PDE11A: variants seen among roughly 807,000 people sequenced by gnomAD.
PDE11A encodes the protein dual 3',5'-cyclic-AMP and -GMP phosphodiesterase 11A.
Under a neutral mutation model 100.5 loss-of-function variants are expected in PDE11A, and 100 were observed. The observed-to-expected ratio is 1.00, with a 90% confidence interval of 0.85 to 1.18. The LOEUF is 1.18. Ranked by LOEUF, PDE11A falls within the 50% of genes most tolerant of loss-of-function variation. The pLI, the probability that PDE11A is intolerant of heterozygous loss-of-function variation, is 0.00. For missense variants in PDE11A, 1,141 were observed against 1,152.6 expected (o/e 0.99, Z 0.15); for synonymous variants, 381 against 420.8 (o/e 0.91, Z 1.16).
rs543004894 is a variant in PDE11A, at chr2:178,096,354, T to C, written c.162+7948A>G. On this transcript the variant is annotated intron_variant, in intron 2 of 20. Transcript: ENST00000358450. ...AATTTTTTTTTTTTTTTTGTATTTT[T>C]ACTAGAGGCAGGGTTTCACTGTGTT... Among the ~76,000 whole-genome samples, 124 of 150,382 alleles carry C rather than the reference T, an allele frequency of 8.2e-4. 1 individual carries two copies. The highest frequency in any genetic ancestry group is 3.0e-3 in the African/African-American group (121 of 40,962).
intron 12 of PDE11A, among the ~76,000 whole-genome samples, chr2:177,720,155 G>A: frequency 6.6e-6 from 1 of 152,058 alleles, no homozygotes; most frequent in African/African-American, 2.4e-5. Flanking sequence ...GCTTTGTGAT[G>A]GAATGGCAAC....
At chr2:177,759,220 C>T (rs773918486) in intron 10 of PDE11A, among the ~76,000 whole-genome samples, 49 of 151,930 alleles carry the variant, frequency 3.2e-4, no homozygotes, top group Non-Finnish European at 5.6e-4. Context: ...CAAATGGAAA[C>T]AGTATCAGGA....
At chr2:177,962,599 A>T (rs942537101) in intron 2 of PDE11A, among the ~76,000 whole-genome samples, 2 of 152,140 alleles carry the variant, frequency 1.3e-5, no homozygotes, top group Non-Finnish European at 2.9e-5. Context: ...TAGTTAACTG[A>T]TGTGCCTTGC....
chr2:177,905,271 A>G (rs1196433469), intron 2 of PDE11A, 84 bp from the exon 3 acceptor site: 9 of 730,470 alleles, frequency 1.2e-5, no homozygotes, highest in Non-Finnish European at 2.2e-5. Flanking sequence ...CTTCTTCTAT[A>G]TGCCTGATTG....
At chr2:177,921,846 A>G (rs2085053579) in intron 2 of PDE11A, 1 of 152,212 alleles carries the variant, frequency 6.6e-6, no homozygotes, top group Non-Finnish European at 1.5e-5. Flanking sequence ...GGGATTGGGA[A>G]CCATAAAAAT....
intron 5 of PDE11A, among the ~76,000 whole-genome samples, chr2:177,869,377 C>A (rs545836354): frequency 6.6e-6 from 1 of 152,300 alleles, no homozygotes; most frequent in African/African-American, 2.4e-5. Flanking sequence ...CAACTCCTTG[C>A]AGTTGTATGA....
At chr2:178,080,876 G>A (rs577281051) in intron 2 of PDE11A, among the ~76,000 whole-genome samples, 82 of 151,872 alleles carry the variant, frequency 5.4e-4, no homozygotes, top group African/African-American at 2.0e-3. Flanking sequence ...CATGATAAAT[G>A]ACAGACTAGA....
At chr2:177,813,661 T>C (rs1369375861) in intron 9 of PDE11A, among the ~76,000 whole-genome samples, 1 of 152,016 alleles carries the variant, frequency 6.6e-6, no homozygotes, top group Non-Finnish European at 1.5e-5. Flanking sequence ...AAGAGAACAG[T>C]GTGGTGCTGT....
intron 10 of PDE11A, among the ~76,000 whole-genome samples, chr2:177,744,390 T>C (rs993759291): frequency 4.0e-5 from 6 of 151,746 alleles, no homozygotes; most frequent in Non-Finnish European, 7.4e-5. Flanking sequence ...GAATCTAAAG[T>C]ATGTTCAGAC....
chr2:177,677,243 C>A (rs766065554), intron 16 of PDE11A, among the ~76,000 whole-genome samples: 1 of 152,138 alleles, frequency 6.6e-6, no homozygotes, highest in Non-Finnish European at 1.5e-5. Context: ...GGGAAGTCTC[C>A]ACAGGGTGAC....
At chr2:177,633,708 T>C (rs1201954033) in intron 19 of PDE11A, among the ~76,000 whole-genome samples, 1 of 152,204 alleles carries the variant, frequency 6.6e-6, no homozygotes, top group Non-Finnish European at 1.5e-5. Flanking sequence ...ATTTAGACAA[T>C]AGTGTGAGGG....
intron 19 of PDE11A, among the ~76,000 whole-genome samples, chr2:177,638,706 G>A (rs940790208): frequency 6.6e-6 from 1 of 151,978 alleles, no homozygotes; most frequent in African/African-American, 2.4e-5. Context: ...GCGCAAGCTG[G>A]GTCCAAAGCA....
intron 10 of PDE11A, among the ~76,000 whole-genome samples, chr2:177,748,816 A>C (rs1559171867): frequency 1.3e-5 from 2 of 152,176 alleles, no homozygotes; most frequent in African/African-American, 4.8e-5. Flanking sequence ...TGAATGAAGG[A>C]TCTATGAAAA....
At chr2:178,017,191 C>A (rs71423542) in intron 1 of PDE11A, among the ~76,000 whole-genome samples, 1 of 152,150 alleles carries the variant, frequency 6.6e-6, no homozygotes, top group Admixed American at 6.5e-5. Flanking sequence ...GGCGCTAAGG[C>A]GCCACATACC....
intron 2 of PDE11A, among the ~76,000 whole-genome samples, chr2:177,973,081 G>A (rs2085793053): frequency 6.6e-6 from 1 of 152,112 alleles, no homozygotes; most frequent in African/African-American, 2.4e-5. Context: ...GAGGGAGGAG[G>A]AGTCAAGATG....
intron 2 of PDE11A, among the ~76,000 whole-genome samples, chr2:178,082,432 A>G (rs928341200): frequency 1.3e-5 from 2 of 152,184 alleles, no homozygotes; most frequent in African/African-American, 2.4e-5. Context: ...AAAAAATGCC[A>G]GTTTATAAAT....
Position 178,071,898 on chromosome 2 carries a change from C to A in PDE11A, c.540G>T (p.Val180=). ...CTGTAGGGGGATACCGAGGCAGATT[C>A]ACTCTCGATTCCAGCAGCGCACTGA... ...HILSALLESR[V]NLPRYPPTAI... is the part of the protein sequence containing the mutation. Residue 180 remains valine, a synonymous_variant, in exon 1 of 20, where the codon GTG becomes GTT. Coordinates refer to ENST00000286063, the MANE Select transcript of PDE11A (RefSeq NM_016953.4). The A allele has an allele frequency of 6.2e-7, 1 of 1,613,924 alleles. No homozygotes were observed.
At chr2:178,068,402 T>C (rs2087077745) in intron 1 of PDE11A, among the ~76,000 whole-genome samples, 2 of 152,148 alleles carry the variant, frequency 1.3e-5, no homozygotes, top group South Asian at 4.1e-4. Context: ...GACTCCAGAA[T>C]GCCACGCTTA....
chr2:177,921,708 C>T (rs894118665), intron 2 of PDE11A: 2 of 152,188 alleles, frequency 1.3e-5, no homozygotes, highest in Non-Finnish European at 2.9e-5. Context: ...AGACCACCTT[C>T]ATATCAAAAT....
Sources: allele counts gnomAD v4.1 joint callset (sites outside exome capture counted in the v4.1 genomes callset), GRCh38; gene constraint gnomAD v4.1.1; transcripts MANE v1.5; gene names NCBI Gene and HGNC (gene_info 2026-07-23, HGNC 2026-07-21).